Variants in UNC5D observed in about 807,000 individuals in gnomAD.
UNC5D encodes the protein netrin receptor UNC5D.
In UNC5D, 39 loss-of-function variants were observed where a neutral mutation model predicts 105.4. The ratio of observed to expected loss-of-function variants is 0.37; its 90% CI spans 0.29 to 0.48. UNC5D has a LOEUF of 0.48. Among genes scored for constraint, UNC5D ranks in the 20% least tolerant of loss-of-function variants. The probability of loss-of-function intolerance (pLI) is 0.98; values close to 1 mark genes in which losing one functional copy is unlikely to be tolerated. For missense variants in UNC5D, 991 were observed against 1,202.4 expected, an observed-to-expected ratio of 0.82 and a Z score of 2.60; for synonymous variants, 452 against 450.4, an observed-to-expected ratio of 1.00 and a Z score of -0.04.
intron 4 of UNC5D, among the ~76,000 whole-genome samples, chr8:35,678,385 C>A (rs1045180762): frequency 5.3e-5 from 8 of 151,992 alleles, no homozygotes; most frequent in African/African-American, 1.9e-4. Flanking sequence ...CACTCTGCAG[C>A]TAAATATAAA....
At chr8:35,283,828 G>A (rs1000551025) in intron 1 of UNC5D, among the ~76,000 whole-genome samples, 3 of 150,096 alleles carry the variant, frequency 2.0e-5, no homozygotes, top group African/African-American at 4.9e-5. Context: ...TCATACCCAC[G>A]TCCTAACTTC....
intron 7 of UNC5D, among the ~76,000 whole-genome samples, chr8:35,691,074 A>G (rs1161847810): frequency 6.6e-6 from 1 of 152,216 alleles, no homozygotes; most frequent in Non-Finnish European, 1.5e-5. Flanking sequence ...TGAAGCTGCC[A>G]GCTCTGAATG....
chr8:35,602,477 G>T (rs562892548), intron 4 of UNC5D, among the ~76,000 whole-genome samples: 108 of 152,196 alleles, frequency 7.1e-4, no homozygotes, highest in African/African-American at 2.3e-3. Flanking sequence ...CAATTTCAGA[G>T]CCTGTTATTG....
intron 4 of UNC5D, among the ~76,000 whole-genome samples, chr8:35,631,521 T>A (rs2131080493): frequency 6.6e-6 from 1 of 152,258 alleles, no homozygotes; most frequent in African/African-American, 2.4e-5. Flanking sequence ...TTCTCTCAAA[T>A]CAGTGGATGT....
rs1359089091 is a variant in UNC5D at position 35,235,826 on chromosome 8, G to C, written c.42G>C (p.Ala14=). ...AAATAGGGGG[A]RRWLPWLGLC... ...CCACCGCAGGCGGCGGCGGAGGGGCGCGCCGCTGGCTCCCGTGGCTGGGGC... is the reference window on the plus strand; with the variant it reads ...CCACCGCAGGCGGCGGCGGAGGGGCCCGCCGCTGGCTCCCGTGGCTGGGGC... Residue 14 remains alanine, a synonymous_variant, in exon 1 of 17, where the codon GCG becomes GCC. Coordinates refer to ENST00000404895, the MANE Select transcript of UNC5D (RefSeq NM_080872.4). 4.1e-6 allele frequency: 5 copies of C among 1,230,202 alleles called. No homozygotes were observed. Among genetic ancestry groups the C allele is most frequent in the Middle Eastern group, 2.9e-4 (1 of 3,392 alleles). 76.2% of individuals were successfully genotyped at this position (1,230,202 alleles called of 1,614,324 possible).
chr8:35,708,131 C>A (rs368194846), intron 8 of UNC5D, among the ~76,000 whole-genome samples: 2 of 152,210 alleles, frequency 1.3e-5, no homozygotes, highest in East Asian at 3.9e-4. Flanking sequence ...CTATATATAG[C>A]CATACACATG....
chr8:35,649,385 C>T (rs1041318489), intron 4 of UNC5D, among the ~76,000 whole-genome samples: 1 of 152,130 alleles, frequency 6.6e-6, no homozygotes, highest in African/African-American at 2.4e-5. Context: ...GGCCAGCACA[C>T]TGGACTGTGA....
chr8:35,592,795 G>T (rs543776034), intron 3 of UNC5D, among the ~76,000 whole-genome samples: 1 of 152,170 alleles, frequency 6.6e-6, no homozygotes, highest in South Asian at 2.1e-4. Flanking sequence ...GATATATATA[G>T]TGCCCTAGTT....
At chr8:35,786,786 G>T (rs983018121) in intron 16 of UNC5D, among the ~76,000 whole-genome samples, 1 of 152,070 alleles carries the variant, frequency 6.6e-6, no homozygotes, top group Non-Finnish European at 1.5e-5. Flanking sequence ...ACTAGCTATG[G>T]AAACCTACTT....
intron 8 of UNC5D, among the ~76,000 whole-genome samples, chr8:35,708,502 G>T (rs1213705671): frequency 6.6e-6 from 1 of 152,284 alleles, no homozygotes; most frequent in African/African-American, 2.4e-5. Flanking sequence ...TAAATGTTGT[G>T]TAACAATGTC....
At chr8:35,554,093 T>C (rs568766002) in intron 2 of UNC5D, among the ~76,000 whole-genome samples, 2 of 152,228 alleles carry the variant, frequency 1.3e-5, no homozygotes, top group Non-Finnish European at 2.9e-5. Context: ...GGGAAATGCA[T>C]AGGACCTGGG....
intron 4 of UNC5D, among the ~76,000 whole-genome samples, chr8:35,671,449 G>T (rs1331029024): frequency 6.6e-6 from 1 of 152,124 alleles, no homozygotes; most frequent in Non-Finnish European, 1.5e-5. Context: ...GTCTACCTTT[G>T]TATTGTAATA....
chr8:35,244,299 T>G (rs1802960276), intron 1 of UNC5D, among the ~76,000 whole-genome samples: 1 of 152,236 alleles, frequency 6.6e-6, no homozygotes, highest in Non-Finnish European at 1.5e-5. Flanking sequence ...GATGTTACCA[T>G]GTAATTCTAT....
chr8:35,436,749 A>G (rs932472761), intron 1 of UNC5D, among the ~76,000 whole-genome samples: 1 of 152,042 alleles, frequency 6.6e-6, no homozygotes, highest in Non-Finnish European at 1.5e-5. Context: ...GGGACTATAT[A>G]CCCTAAAATG....
intron 4 of UNC5D, among the ~76,000 whole-genome samples, chr8:35,677,303 GA>G (rs1013690279): frequency 3.3e-5 from 5 of 151,978 alleles, no homozygotes; most frequent in African/African-American, 1.2e-4. Flanking sequence ...CATTTTTTAA[GA>G]AAAATGAGTG....
At chr8:35,248,189 A>G (rs1485839961) in intron 1 of UNC5D, among the ~76,000 whole-genome samples, 2 of 63,536 alleles carry the variant, frequency 3.1e-5, no homozygotes, top group South Asian at 6.9e-4. Flanking sequence ...TATAATATAT[A>G]AATATATATT....
At chr8:35,776,927 G>A (rs560006302) in intron 16 of UNC5D, among the ~76,000 whole-genome samples, 77 of 152,226 alleles carry the variant, frequency 5.1e-4, no homozygotes, top group African/African-American at 1.8e-3. Context: ...GTTCAAGACC[G>A]GCCTGCACTT....
chr8:35,601,495 T>C (rs1819882409), intron 4 of UNC5D, among the ~76,000 whole-genome samples: 1 of 152,232 alleles, frequency 6.6e-6, no homozygotes, highest in Non-Finnish European at 1.5e-5. Flanking sequence ...TTTGTAGTTC[T>C]CCATGAAGAG....
At chr8:35,593,046 T>TACACACACACACACAC (rs200962371) in intron 3 of UNC5D, among the ~76,000 whole-genome samples, 5 of 141,120 alleles carry the variant, frequency 3.5e-5, no homozygotes, top group South Asian at 2.3e-4. Context: ...GTAGTTTTTA[T>TACACACACACACACAC]ACACACACAC....
Sources: allele counts gnomAD v4.1 joint callset (sites outside exome capture counted in the v4.1 genomes callset), GRCh38; gene constraint gnomAD v4.1.1; transcripts MANE v1.5; gene names NCBI Gene and HGNC (gene_info 2026-07-23, HGNC 2026-07-21).